Variants in TMEM132E observed in about 807,000 individuals in gnomAD.
TMEM132E encodes transmembrane protein 132E.
In TMEM132E, 49 loss-of-function variants were observed where a neutral mutation model predicts 78.5. The ratio of observed to expected loss-of-function variants is 0.62; its 90% confidence interval spans 0.50 to 0.79. TMEM132E has a LOEUF of 0.79. TMEM132E is among the 30% of genes least tolerant of loss of function. The pLI is 0.00. For missense variants in TMEM132E, 1,403 were observed against 1,470.9 expected, an observed-to-expected ratio of 0.95 and a Z score of 0.75; for synonymous variants, 715 against 670.6, an observed-to-expected ratio of 1.07 and a Z score of -1.02.
Position 34,581,052 on chromosome 17 carries a change from G to C in TMEM132E, c.-25G>C, listed in dbSNP as rs1336528199. 6.5e-7 allele frequency: 1 copy of C among 1,534,604 alleles called. No homozygotes were observed. The highest frequency in any genetic ancestry group is 1.2e-5 in the South Asian group (1 of 81,832). ...GTCGTCGTCGACTGTTGCTCTCTCG[G>C]ACCCCTCCCGCCCCCGCCTCGGCCA... On this transcript the variant is annotated 5_prime_UTR_variant, in exon 1 of 9. Transcript: ENST00000631683.
At chr17:34,590,869 G>A (rs1297232691) in intron 1 of TMEM132E, among the ~76,000 whole-genome samples, 2 of 152,114 alleles carry the variant, frequency 1.3e-5, no homozygotes, top group Non-Finnish European at 2.9e-5. Flanking sequence ...TTGGCAGATT[G>A]GATCAATGCT....
intron 1 of TMEM132E, among the ~76,000 whole-genome samples, chr17:34,618,966 C>A (rs926428889): frequency 6.6e-6 from 1 of 152,314 alleles, no homozygotes; most frequent in African/African-American, 2.4e-5. Context: ...CTTCTTTATA[C>A]CCTTGGCCTC....
chr17:34,582,695 G>C (rs1905536102), intron 1 of TMEM132E, among the ~76,000 whole-genome samples: 1 of 152,176 alleles, frequency 6.6e-6, no homozygotes, highest in Admixed American at 6.5e-5. Context: ...GTGGGGGAGA[G>C]GGAGGTGGGC....
At chr17:34,610,361 T>C (rs1906548607) in intron 1 of TMEM132E, among the ~76,000 whole-genome samples, 1 of 152,184 alleles carries the variant, frequency 6.6e-6, no homozygotes, top group Admixed American at 6.5e-5. Flanking sequence ...AAATCTAGTA[T>C]TGTACTAGGC....
rs1294769920 is a variant in TMEM132E, at chr17:34,580,914, C to G, written c.-163C>G. ...GTAGCCGCCAGCGCCTGGGACGCCC[C>G]CTCCCCGCAAAGTGTCCCCGAATTG... is the stretch of plus-strand genomic sequence containing the variant. On this transcript the variant is annotated 5_prime_UTR_variant, in exon 1 of 9. Coordinates refer to ENST00000631683, the MANE Select transcript of TMEM132E (RefSeq NM_001304438.2). 1 of 489,046 alleles carries G rather than the reference C, an allele frequency of 2.0e-6. No individual in the cohort carries two copies. Among genetic ancestry groups the G allele is most frequent in the Non-Finnish European group, 3.6e-6 (1 of 280,670 alleles). 30.3% of individuals were successfully genotyped at this position (489,046 alleles called of 1,614,324 possible). A position where few individuals can be genotyped will look rare whatever the true frequency, so the allele number is the denominator to read the frequency against.
chr17:34,603,650 G>T (rs149047461), intron 1 of TMEM132E, among the ~76,000 whole-genome samples: 361 of 152,210 alleles, frequency 2.4e-3, no homozygotes, highest in African/African-American at 8.3e-3. Flanking sequence ...CCCTGTGTGG[G>T]CTGTGGCAGG....
At chr17:34,615,816 G>A (rs539326341) in intron 1 of TMEM132E, among the ~76,000 whole-genome samples, 90 of 152,096 alleles carry the variant, frequency 5.9e-4, no homozygotes, top group African/African-American at 2.1e-3. Context: ...TCAGGAGGCC[G>A]TGTGGGGGAT....
In TMEM132E at chr17:34,637,785, G is replaced by T; in HGVS notation, c.2778G>T (p.Gln926His). 1.2e-6 allele frequency: 2 copies of T among 1,613,420 alleles called. No homozygotes were observed. Among genetic ancestry groups the T allele is most frequent in the Non-Finnish European group, 1.7e-6 (2 of 1,179,976 alleles). Residue 926 changes from glutamine to histidine, a missense_variant, in exon 9 of 9, where the codon CAG (glutamine) becomes CAT (histidine). Transcript: ENST00000631683. The part of the protein sequence containing the change: ...YRHKRIPPEG[Q>H]TSMDHSHHWV... Reference sequence around the variant, plus strand: ...ACAAGCGCATCCCGCCCGAGGGCCAGACCAGCATGGACCACTCTCACCACT... The same window carrying T: ...ACAAGCGCATCCCGCCCGAGGGCCATACCAGCATGGACCACTCTCACCACT...
chr17:34,633,659 G>A (rs982404339), intron 6 of TMEM132E, among the ~76,000 whole-genome samples: 2 of 152,246 alleles, frequency 1.3e-5, no homozygotes, highest in Non-Finnish European at 2.9e-5. Context: ...GAGAGAAACA[G>A]GTGGCCAAGT....
chr17:34,625,598 CATA>C (rs201380947), intron 1 of TMEM132E, among the ~76,000 whole-genome samples: 2,595 of 152,192 alleles, frequency 0.017, 74 homozygotes, highest in African/African-American at 0.059. Context: ...GGATGGAGAT[CATA>C]ATAAGAGGTA....
At chr17:34,615,811 A>C (rs551344520) in intron 1 of TMEM132E, among the ~76,000 whole-genome samples, 1 of 151,968 alleles carries the variant, frequency 6.6e-6, no homozygotes, top group African/African-American at 2.4e-5. Flanking sequence ...CTGACTCAGG[A>C]GGCCGTGTGG....
chr17:34,594,035 C>A (rs1489791028), intron 1 of TMEM132E, among the ~76,000 whole-genome samples: 1 of 152,212 alleles, frequency 6.6e-6, no homozygotes, highest in Non-Finnish European at 1.5e-5. Context: ...TCAGGTCCCT[C>A]CCTGGTCCCC....
intron 1 of TMEM132E, among the ~76,000 whole-genome samples, chr17:34,592,909 C>T (rs77490854): frequency 6.6e-6 from 1 of 152,186 alleles, no homozygotes; most frequent in Non-Finnish European, 1.5e-5. Context: ...TGTGATAAAC[C>T]CTTCCTCCCA....
In TMEM132E at chr17:34,631,621, C is replaced by A. The variant is rs139628627; in HGVS notation, c.1483-1083C>A. On this transcript the variant is annotated intron_variant, in intron 5 of 8. Coordinates refer to ENST00000631683, the MANE Select transcript of TMEM132E (RefSeq NM_001304438.2). ...TGGGAAATGAGCATTTCTGGCAGGG[C>A]TGCTGTCCCATCCCTCCACCCACCC... 3.3e-5 allele frequency among the ~76,000 whole-genome samples: 5 copies of A among 152,314 alleles called. No homozygotes were observed. The East Asian group carries it at 9.7e-4, about 29-fold the overall frequency.
At chr17:34,604,986 A>T (rs1906365027) in intron 1 of TMEM132E, among the ~76,000 whole-genome samples, 1 of 152,178 alleles carries the variant, frequency 6.6e-6, no homozygotes, top group Non-Finnish European at 1.5e-5. Context: ...AGCCAGGTTT[A>T]TCTGAGCCCA....
chr17:34,623,139 T>C (rs1907013257), intron 1 of TMEM132E, among the ~76,000 whole-genome samples: 1 of 152,166 alleles, frequency 6.6e-6, no homozygotes. Context: ...ATCCAGGATG[T>C]TGGTTTTGCC....
intron 1 of TMEM132E, among the ~76,000 whole-genome samples, chr17:34,594,763 G>T (rs752544484): frequency 5.3e-5 from 8 of 152,086 alleles, no homozygotes; most frequent in Non-Finnish European, 8.8e-5. Flanking sequence ...CAGCTAATTG[G>T]TTTCTTGAGG....
chr17:34,630,325 C>T (rs992723701), intron 5 of TMEM132E, among the ~76,000 whole-genome samples, 174 bp downstream of exon 5: 1 of 152,148 alleles, frequency 6.6e-6, no homozygotes, highest in African/African-American at 2.4e-5. Context: ...TTTCCTCCTA[C>T]AGCACTGGCC....
chr17:34,621,466 C>T (rs1190801133), intron 1 of TMEM132E, among the ~76,000 whole-genome samples: 7 of 152,152 alleles, frequency 4.6e-5, no homozygotes, highest in Non-Finnish European at 7.3e-5. Flanking sequence ...CTTTAAGGAT[C>T]CTGTCTTCAA....
Sources: gnomAD v4.1 joint callset for allele counts (sites outside exome capture counted in the v4.1 genomes callset) on GRCh38, gnomAD v4.1.1 for gene constraint, MANE v1.5 for transcripts, NCBI Gene and HGNC (gene_info 2026-07-23, HGNC 2026-07-21) for gene names.